The following GAS6 variants were observed in gnomAD, a reference collection of about 807,000 sequenced individuals.
The protein encoded by GAS6 is growth arrest specific 6.
Under a neutral mutation model 75.8 loss-of-function variants are expected in GAS6, and 41 were observed. The observed-to-expected ratio is 0.54, with a 90% CI of 0.42 to 0.70. The LOEUF (loss-of-function observed/expected upper bound fraction) is 0.70, where lower values mean the gene tolerates loss of function less well. Ranked by LOEUF, GAS6 falls within the 30% of genes least tolerant of loss-of-function variation. The pLI, the probability that GAS6 is intolerant of heterozygous loss-of-function variation, is 0.00. For missense variants in GAS6, 854 were observed against 940.2 expected, an observed-to-expected ratio of 0.91 and a Z score of 1.20; for synonymous variants, 432 against 412.6, an observed-to-expected ratio of 1.05 and a Z score of -0.57.
rs540224422 is a variant in GAS6, at chr13:113,827,449, A to G, written c.1309-285T>C. Reference sequence around the variant, plus strand: ...GTGGGTCTAAGGTCAAAGAGTATGGATTGTTCAACCATCCAACACTCATGT... The same window carrying G: ...GTGGGTCTAAGGTCAAAGAGTATGGGTTGTTCAACCATCCAACACTCATGT... On this transcript the variant is annotated intron_variant, in intron 11 of 14. Transcript: ENST00000327773. Among the ~76,000 whole-genome samples the G allele has an allele frequency of 3.3e-5, 5 of 152,384 alleles. No homozygotes were observed. The South Asian group carries it at 1.0e-3, about 32-fold the overall frequency.
At chr13:113,821,134 G>A (rs1442863773) in intron 14 of GAS6, 116 bp from the exon 15 acceptor site, 2 of 1,114,378 alleles carry the variant, frequency 1.8e-6, no homozygotes, top group African/African-American at 1.6e-5. Context: ...AAAGGGCAGG[G>A]TTTCCCTTTC....
intron 3 of GAS6, chr13:113,847,773 A>G: frequency 3.8e-6 from 2 of 520,414 alleles, no homozygotes; most frequent in Middle Eastern, 5.2e-4. Context: ...TGAGCCTGGC[A>G]TCAACTCAGA....
At chr13:113,834,723 C>T in intron 7 of GAS6, 51 bp from the exon 8 acceptor site, 2 of 1,401,224 alleles carry the variant, frequency 1.4e-6, no homozygotes, top group Admixed American at 2.6e-5. Flanking sequence ...CTACGCTGTC[C>T]CGCCGTGGGA....
chr13:113,824,912 G>A (rs1263234679), intron 12 of GAS6, among the ~76,000 whole-genome samples: 1 of 152,164 alleles, frequency 6.6e-6, no homozygotes, highest in Non-Finnish European at 1.5e-5. Flanking sequence ...GAGAGATGAT[G>A]GTGTTCTTTA....
chr13:113,827,844 G>C (rs12585097), intron 11 of GAS6, among the ~76,000 whole-genome samples: 34,787 of 152,194 alleles, frequency 0.23, 4,037 homozygotes, highest in Middle Eastern at 0.29. Context: ...TGTGCTGAAG[G>C]GGAGAGAAGG....
chr13:113,835,979 A>AC (rs926988399), intron 6 of GAS6: 3 of 1,069,484 alleles, frequency 2.8e-6, no homozygotes, highest in Non-Finnish European at 3.4e-6. Flanking sequence ...GTAAAAAGTA[A>AC]CCCCCCGGGG....
intron 2 of GAS6, among the ~76,000 whole-genome samples, chr13:113,860,217 T>G (rs1027627208): frequency 6.6e-6 from 1 of 152,102 alleles, no homozygotes; most frequent in African/African-American, 2.4e-5. Context: ...CCTGGCCACA[T>G]GTCGTGCAGG....
Position 113,848,147 on chromosome 13 carries a change from C to A in GAS6, c.256-97G>T, listed in dbSNP as rs2051848239. 2 of 1,367,626 alleles carry A rather than the reference C, an allele frequency of 1.5e-6. No individual in the cohort carries two copies. The highest frequency in any genetic ancestry group is 1.3e-5 in the South Asian group (1 of 79,458). The allele number at this position is 1,367,626 out of a possible 1,614,324, so 84.7% of individuals were successfully genotyped here. A position where few individuals can be genotyped will look rare whatever the true frequency, so the allele number is the denominator to read the frequency against. On this transcript the variant is annotated intron_variant, in intron 2 of 14. Transcript: ENST00000327773. The surrounding 1 kb of genome is among the most constrained non-coding windows in gnomAD (Gnocchi z 4.8). ...CAGCTGGTTAATCAGAGGCTGCTCT[C>A]GGGGCAGCCAGAGGGCCGCCCCACC...
At chr13:113,834,076 C>G (rs1051991589) in intron 8 of GAS6, among the ~76,000 whole-genome samples, 4 of 146,116 alleles carry the variant, frequency 2.7e-5, no homozygotes, top group African/African-American at 1.0e-4. Context: ...GTCGGTGTGA[C>G]AGGCACCAGT....
rs768755984 is a variant in GAS6, at chr13:113,863,615, C to A, written c.215G>T (p.Arg72Leu). 9.8e-6 allele frequency: 15 copies of A among 1,526,530 alleles called. 1 individual carries two copies. The South Asian group carries it at 1.8e-4, about 19-fold the overall frequency. The allele number at this position is 1,526,530 out of a possible 1,614,324, so 94.6% of individuals were successfully genotyped here. The change falls in exon 2 of 15, where the codon CGC becomes CTC. Residue 72 changes from arginine to leucine, a missense_variant. Physicochemically the swap from Arg to Leu is moderately radical, Grantham distance 102. Transcript: ENST00000327773. The surrounding 1 kb of genome is among the most constrained non-coding windows in gnomAD (Gnocchi z 9.4). ...ERECVEELCS[R>L]EEAREVFEND... ...CTCGAACACCTCCCGCGCCTCCTCGCGGCTGCACAGCTCCTCCACGCACTC... is the reference window on the plus strand; with the variant it reads ...CTCGAACACCTCCCGCGCCTCCTCGAGGCTGCACAGCTCCTCCACGCACTC...
In GAS6 at chr13:113,821,782, C is replaced by T. The variant is rs183142918; in HGVS notation, c.1882+176G>A. Reference sequence around the variant, plus strand: ...TCTCAGCCAATGACCTGACCAGCACCGAGACACCATAATAGCCACTAACGA... The same window carrying T: ...TCTCAGCCAATGACCTGACCAGCACTGAGACACCATAATAGCCACTAACGA... On this transcript the variant is annotated intron_variant, in intron 14 of 14. Coordinates refer to ENST00000327773, the MANE Select transcript of GAS6 (RefSeq NM_000820.4). The T allele has an allele frequency of 5.0e-4, 298 of 590,288 alleles. 3 individuals carry two copies. Among genetic ancestry groups the T allele is most frequent in the Admixed American group, 2.7e-3 (84 of 31,400 alleles). The allele number at this position is 590,288 out of a possible 1,614,324, so 36.6% of individuals were successfully genotyped here. A position where few individuals can be genotyped will look rare whatever the true frequency, so the allele number is the denominator to read the frequency against.
Position 113,846,405 on chromosome 13 carries a change from C to T in GAS6, c.343+122G>A, listed in dbSNP as rs57403566. On this transcript the variant is annotated intron_variant, in intron 4 of 14. Transcript: ENST00000327773. ...AGTTTGGCGAAAAGGGAGCAGGCCT[C>T]GGCAAGGGACCACAGCTCCTTAAAA... 9.4e-3 allele frequency: 7,229 copies of T among 765,084 alleles called. 358 individuals carry two copies. The African/African-American group carries it at 0.11, about 11-fold the overall frequency. The allele number at this position is 765,084 out of a possible 1,614,324, so 47.4% of individuals were successfully genotyped here. A position where few individuals can be genotyped will look rare whatever the true frequency, so the allele number is the denominator to read the frequency against.
chr13:113,827,684 A>G (rs1166609371), intron 11 of GAS6, among the ~76,000 whole-genome samples: 1 of 145,376 alleles, frequency 6.9e-6, no homozygotes, highest in African/African-American at 2.8e-5. Context: ...GGGTGGCTTC[A>G]GCACAGGCAC....
intron 8 of GAS6, among the ~76,000 whole-genome samples, chr13:113,834,131 GGTGTGACAGGCACCA>G (rs989911651): frequency 2.7e-5 from 4 of 147,714 alleles, no homozygotes; most frequent in Non-Finnish European, 4.5e-5. Flanking sequence ...GTGACAGGTC[GGTGTGACAGGCACCA>G]GTGTGACAGG....
At chr13:113,826,943 G>A in intron 12 of GAS6, 53 bp downstream of exon 12, 2 of 1,477,154 alleles carry the variant, frequency 1.4e-6, no homozygotes, top group Non-Finnish European at 9.2e-7. Context: ...TTCAGCGTAT[G>A]CCTGTCTGAA....
At chr13:113,858,499 G>C (rs548735150) in intron 2 of GAS6, among the ~76,000 whole-genome samples, 1 of 134,026 alleles carries the variant, frequency 7.5e-6, no homozygotes, top group East Asian at 2.5e-4. Context: ...ATGCATGTCT[G>C]TGTGTGACTA....
rs2051525076 is a variant in GAS6, at chr13:113,825,488, A to G, written c.1477+1508T>C. Among the ~76,000 whole-genome samples, 5 of 152,166 alleles carry G rather than the reference A, an allele frequency of 3.3e-5. No individual in the cohort carries two copies. The South Asian group carries it at 1.0e-3, about 32-fold the overall frequency. ...CTGTCTTGTAAGAGACGTTACTGGTATAGTTTGAGATTCACTGGAAATGCA... is the reference window on the plus strand; with the variant it reads ...CTGTCTTGTAAGAGACGTTACTGGTGTAGTTTGAGATTCACTGGAAATGCA... On this transcript the variant is annotated intron_variant, in intron 12 of 14. Coordinates refer to ENST00000327773, the MANE Select transcript of GAS6 (RefSeq NM_000820.4).
In GAS6 at chr13:113,837,001, C is replaced by T. The variant is rs945781198; in HGVS notation, c.589+1068G>A. 2.6e-5 allele frequency among the ~76,000 whole-genome samples: 4 copies of T among 151,396 alleles called. No homozygotes were observed. Among genetic ancestry groups the T allele is most frequent in the African/African-American group, 7.3e-5 (3 of 41,146 alleles). ...CAGTAACTGTGAGCCTAGACTTTGC[C>T]GGGAGTGCCCGACTGGTGCAGGGAC... On this transcript the variant is annotated intron_variant, in intron 6 of 14. Transcript: ENST00000327773. This position sits in a 1 kb window ranked among gnomAD's most constrained non-coding sequence, Gnocchi z 5.1.
At position 113,835,575 on chromosome 13, in the gene GAS6, C is replaced by T; in HGVS notation, c.650G>A (p.Gly217Asp). ...CTCGTCACAGAGGCAGGAGTAGGAG[C>T]CGGGCAGGTTCTTGCAGCGCGCCTC... ...CGEARCKNLP[G>D]SYSCLCDEGF... Residue 217 changes from glycine to aspartate, a missense_variant, in exon 7 of 15, where the codon GGC becomes GAC. Coordinates refer to ENST00000327773, the MANE Select transcript of GAS6 (RefSeq NM_000820.4). 1.2e-6 allele frequency: 2 copies of T among 1,612,582 alleles called. No homozygotes were observed. The highest frequency in any genetic ancestry group is 1.7e-6 in the Non-Finnish European group (2 of 1,179,886).
Sources: allele counts gnomAD v4.1 joint callset (sites outside exome capture counted in the v4.1 genomes callset), GRCh38; gene constraint gnomAD v4.1.1; non-coding constraint Gnocchi (gnomAD v3.1); transcripts MANE v1.5; gene names NCBI Gene and HGNC (gene_info 2026-07-23, HGNC 2026-07-21).